Variants in GRM5 observed in about 807,000 individuals in gnomAD.
The protein encoded by GRM5 is glutamate metabotropic receptor 5, also known as metabotropic glutamate receptor 5.
Under a neutral mutation model 83.1 loss-of-function variants are expected in GRM5, and 19 were observed. The observed-to-expected ratio is 0.23, with a 90% confidence interval of 0.16 to 0.34. GRM5 has a LOEUF of 0.34. Ranked by LOEUF, GRM5 falls within the 10% of genes least tolerant of loss-of-function variation. The probability of loss-of-function intolerance (pLI) is 1.00; values close to 1 mark genes in which losing one functional copy is unlikely to be tolerated. For missense variants in GRM5, 1,160 were observed against 1,588.3 expected (o/e 0.73, Z 4.58); for synonymous variants, 675 against 633.6 (o/e 1.07, Z -0.98).
At position 88,592,918 on chromosome 11, in the gene GRM5, A is replaced by G. The variant is rs116967906; in HGVS notation, c.1564-2191T>C. On this transcript the variant is annotated intron_variant, in intron 6 of 9. Transcript: ENST00000305447. ...AGCCTTGACCTCCCCAGCCCAAGAG[A>G]GCCTCCCACCTCAGCTTCCTGAATA... is the stretch of plus-strand genomic sequence containing the variant. Among the ~76,000 whole-genome samples the G allele has an allele frequency of 1.0e-2, 1,516 of 152,126 alleles. 22 individuals carry two copies. The highest frequency in any genetic ancestry group is 0.074 in the East Asian group (382 of 5,162).
intron 2 of GRM5, among the ~76,000 whole-genome samples, chr11:88,949,461 A>G (rs1251921722): frequency 1.3e-5 from 2 of 152,220 alleles, no homozygotes; most frequent in Non-Finnish European, 2.9e-5. Context: ...TATACTAAAT[A>G]TTTGTTAAGT....
At position 88,835,629 on chromosome 11, in the gene GRM5, A is replaced by G. The variant is rs552018843; in HGVS notation, c.911+14277T>C. The stretch of plus-strand genomic sequence containing the variant: ...TGACACAATTACACTTGTTTTACAG[A>G]AAAAACAACTCTGAGGAAACTGGGG... On this transcript the variant is annotated intron_variant, in intron 3 of 9. Coordinates refer to ENST00000305447, the MANE Select transcript of GRM5 (RefSeq NM_001143831.3). Among the ~76,000 whole-genome samples, 9 of 151,920 alleles carry G rather than the reference A, an allele frequency of 5.9e-5. No homozygotes were observed. In the East Asian group the frequency reaches 1.7e-3, roughly 29 times the overall value.
At chr11:88,583,023 TA>T (rs931214089) in intron 7 of GRM5, among the ~76,000 whole-genome samples, 5 of 151,788 alleles carry the variant, frequency 3.3e-5, no homozygotes, top group African/African-American at 9.7e-5. Flanking sequence ...CTTAAAGGAT[TA>T]AAAAAGGTAA....
At chr11:89,061,101 A>T (rs1941982259) in intron 1 of GRM5, among the ~76,000 whole-genome samples, 1 of 152,190 alleles carries the variant, frequency 6.6e-6, no homozygotes, top group African/African-American at 2.4e-5. Flanking sequence ...ATCAACATAT[A>T]TAAAAAGTAG....
chr11:88,971,930 T>A (rs1417562740), intron 2 of GRM5, among the ~76,000 whole-genome samples: 1 of 151,920 alleles, frequency 6.6e-6, no homozygotes, highest in Non-Finnish European at 1.5e-5. Context: ...GTGCCAGAGG[T>A]ACTCTAGGGG....
chr11:88,827,091 T>A (rs1157574480), intron 3 of GRM5, among the ~76,000 whole-genome samples: 1 of 152,188 alleles, frequency 6.6e-6, no homozygotes, highest in African/African-American at 2.4e-5. Flanking sequence ...TTTGTACAAA[T>A]GACAAATGTG....
chr11:88,539,106 C>G (rs1215912067), intron 8 of GRM5, among the ~76,000 whole-genome samples: 1 of 152,132 alleles, frequency 6.6e-6, no homozygotes, highest in Non-Finnish European at 1.5e-5. Context: ...AAATTTGCAC[C>G]AGCAACTAAA....
chr11:88,926,673 T>C (rs78671200), intron 2 of GRM5, among the ~76,000 whole-genome samples: 2,854 of 152,294 alleles, frequency 0.019, 85 homozygotes, highest in African/African-American at 0.065. Flanking sequence ...TTTGATTTGT[T>C]TTCCCAGATC....
At chr11:88,687,691 T>G (rs1474175325) in intron 3 of GRM5, among the ~76,000 whole-genome samples, 1 of 142,256 alleles carries the variant, frequency 7.0e-6, no homozygotes, top group Non-Finnish European at 1.5e-5. Context: ...AAAATGGTAA[T>G]TTTCAATACT....
At position 88,864,016 on chromosome 11, in the gene GRM5, A is replaced by AAT. The variant is rs1256747745; in HGVS notation, c.662-13863_662-13862dup. On this transcript the variant is annotated intron_variant, in intron 2 of 9. Transcript: ENST00000305447. The stretch of plus-strand genomic sequence containing the variant: ...GAACGTTTAATGATGTAGAATGGAA[A>AAT]ATACTGTCATTTCTGTTTTGCTGTA... Among the ~76,000 whole-genome samples, 215 of 151,074 alleles carry AAT rather than the reference A, an allele frequency of 1.4e-3. 1 individual carries two copies. The highest frequency in any genetic ancestry group is 4.9e-3 in the African/African-American group (202 of 41,110).
chr11:88,963,901 G>T (rs1296892365), intron 2 of GRM5, among the ~76,000 whole-genome samples: 2 of 152,102 alleles, frequency 1.3e-5, no homozygotes, highest in African/African-American at 2.4e-5. Flanking sequence ...ACTCCTTCCT[G>T]TGAGAGTCTA....
At chr11:88,588,373 T>G (rs563971050) in intron 7 of GRM5, among the ~76,000 whole-genome samples, 1 of 152,262 alleles carries the variant, frequency 6.6e-6, no homozygotes, top group South Asian at 2.1e-4. Context: ...AATAATAAAC[T>G]GTGCCATTCC....
chr11:88,761,916 T>C (rs1942525821), intron 3 of GRM5, among the ~76,000 whole-genome samples: 1 of 151,980 alleles, frequency 6.6e-6, no homozygotes, highest in Admixed American at 6.6e-5. Flanking sequence ...CATCTGATCT[T>C]TGAGAAAGCT....
At chr11:88,639,732 T>G (rs1423651137) in intron 4 of GRM5, among the ~76,000 whole-genome samples, 1 of 151,936 alleles carries the variant, frequency 6.6e-6, no homozygotes, top group Non-Finnish European at 1.5e-5. Flanking sequence ...GGACTACAGG[T>G]GCCTGCCACC....
intron 3 of GRM5, among the ~76,000 whole-genome samples, chr11:88,708,976 T>C (rs2135382012): frequency 6.6e-6 from 1 of 152,234 alleles, no homozygotes; most frequent in South Asian, 2.1e-4. Context: ...CAGAAAATTA[T>C]AATACCATAT....
At chr11:88,843,048 T>C (rs1944231840) in intron 3 of GRM5, among the ~76,000 whole-genome samples, 1 of 152,210 alleles carries the variant, frequency 6.6e-6, no homozygotes, top group Admixed American at 6.5e-5. Flanking sequence ...AAGAAAATTA[T>C]GGACATGCCT....
At chr11:88,514,484 C>T (rs1941471227) in intron 9 of GRM5, among the ~76,000 whole-genome samples, 2 of 151,988 alleles carry the variant, frequency 1.3e-5, no homozygotes. Flanking sequence ...CTCAAACCTG[C>T]AGATATTAGA....
intron 2 of GRM5, among the ~76,000 whole-genome samples, chr11:89,043,359 T>C (rs1341728329): frequency 5.3e-5 from 8 of 152,154 alleles, no homozygotes; most frequent in Admixed American, 6.5e-5. Flanking sequence ...ATACAATAAT[T>C]ACTTTTCTTA....
At chr11:88,763,439 T>A (rs7121551) in intron 3 of GRM5, among the ~76,000 whole-genome samples, 109,702 of 151,616 alleles carry the variant, frequency 0.72, 40,110 homozygotes, top group African/African-American at 0.75. Flanking sequence ...CTAAATTACA[T>A]AATCAAACAC....
Sources: allele counts gnomAD v4.1 joint callset (sites outside exome capture counted in the v4.1 genomes callset), GRCh38; gene constraint gnomAD v4.1.1; transcripts MANE v1.5; gene names NCBI Gene and HGNC (gene_info 2026-07-23, HGNC 2026-07-21).